The following NRDE2 variants were observed in gnomAD, a reference collection of about 807,000 sequenced individuals.
NRDE2 encodes nuclear exosome regulator NRDE2.
In NRDE2, 76 loss-of-function variants were observed where a neutral mutation model predicts 124.2. That is an observed-to-expected ratio of 0.61 (90% confidence interval 0.51 to 0.74). NRDE2 has a LOEUF of 0.74. Among genes scored for constraint, NRDE2 ranks in the 30% least tolerant of loss-of-function variants. The pLI is 0.00. For missense variants in NRDE2, 1,314 were observed against 1,417.3 expected (o/e 0.93, Z 1.17); for synonymous variants, 489 against 528.1 (o/e 0.93, Z 1.01).
intron 1 of NRDE2, among the ~76,000 whole-genome samples, chr14:90,323,691 C>T (rs1301954316): frequency 6.6e-6 from 1 of 152,136 alleles, no homozygotes; most frequent in Non-Finnish European, 1.5e-5. Context: ...AAATTCAGCC[C>T]TTCCATGGAG....
rs907583810 is a variant in NRDE2, at chr14:90,276,042, G to C, written c.*2294C>G. 6.6e-6 allele frequency: 1 copy of C among 152,128 alleles called. No homozygotes were observed. The highest frequency in any genetic ancestry group is 1.5e-5 in the Non-Finnish European group (1 of 68,036). The allele number at this position is 152,128 out of a possible 1,614,324, so 9.4% of individuals were successfully genotyped here. On this transcript the variant is annotated 3_prime_UTR_variant, in exon 14 of 14. Transcript: ENST00000354366. ...AAACCCGAGGTGGGCCGACCCCTGT[G>C]GTCTGATGTGATCAGTGACTCCTTC...
At chr14:90,330,953 C>A (rs1456586061) in intron 1 of NRDE2, among the ~76,000 whole-genome samples, 1 of 150,722 alleles carries the variant, frequency 6.6e-6, no homozygotes, top group African/African-American at 2.4e-5. Flanking sequence ...TTTTTAGAGA[C>A]AAGGTCCCCC....
At chr14:90,311,612 CTT>C (rs1365928164) in intron 4 of NRDE2, among the ~76,000 whole-genome samples, 3 of 152,176 alleles carry the variant, frequency 2.0e-5, no homozygotes, top group African/African-American at 7.2e-5. Context: ...CATTAAAATT[CTT>C]TTTCTTTATA....
chr14:90,313,276 A>G (rs1241840212), intron 3 of NRDE2, among the ~76,000 whole-genome samples: 2 of 151,880 alleles, frequency 1.3e-5, no homozygotes, highest in African/African-American at 2.4e-5. Flanking sequence ...ACAGGTGCCC[A>G]CCACCACACC....
chr14:90,286,468 G>A lies in NRDE2; in HGVS notation c.3183C>T (p.Ala1061=). The A allele has an allele frequency of 6.2e-7, 1 of 1,613,800 alleles. No homozygotes were observed. The highest frequency in any genetic ancestry group is 8.5e-7 in the Non-Finnish European group (1 of 1,179,918). ...GCATTAAGCCGGTCTCAGGAATTGT[G>A]GCGTGGATCTCTCTACCGTCTAACC... ...VQRLDGREIH[A]TIPETGLMHR... is the part of the protein sequence containing the mutation. The change falls in exon 12 of 14, where the codon GCC becomes GCT. Residue 1061 remains alanine, a synonymous_variant. Coordinates refer to ENST00000354366, the MANE Select transcript of NRDE2 (RefSeq NM_017970.4).
At position 90,297,860 on chromosome 14, in the gene NRDE2, G is replaced by A. The variant is rs149797877; in HGVS notation, c.1666+400C>T. 3.3e-3 allele frequency among the ~76,000 whole-genome samples: 489 copies of A among 150,102 alleles called. 3 individuals carry two copies. Among genetic ancestry groups the A allele is most frequent in the African/African-American group, 0.012 (477 of 40,846 alleles). ...GGAGCCTGACGCATGAGAATTGCTT[G>A]AACCCAGGAGGCAGAGGTTGCAGTG... On this transcript the variant is annotated intron_variant, in intron 8 of 13. Coordinates refer to ENST00000354366, the MANE Select transcript of NRDE2 (RefSeq NM_017970.4).
In NRDE2 at chr14:90,269,766, GTCTTT is replaced by G. The variant is rs1413232377; in HGVS notation, c.*8565_*8569del. The stretch of plus-strand genomic sequence containing the variant: ...CCTTTGAATTCCAGTCTTATGTCTT[GTCTTT>G]TCTTTTCCATAACATTCCCTTTTTA... On this transcript the variant is annotated 3_prime_UTR_variant, in exon 14 of 14. Transcript: ENST00000354366. 9.7e-5 allele frequency: 44 copies of G among 454,928 alleles called. No individual in the cohort carries two copies. In the East Asian group the frequency reaches 1.4e-3, roughly 15 times the overall value. 28.2% of individuals were successfully genotyped at this position (454,928 alleles called of 1,614,324 possible).
intron 9 of NRDE2, among the ~76,000 whole-genome samples, chr14:90,291,293 A>C (rs1346353812): frequency 3.3e-5 from 5 of 152,222 alleles, no homozygotes; most frequent in Admixed American, 3.3e-4. Context: ...GCTCTCAGCA[A>C]AGCGGAAATC....
rs891499690 is a variant in NRDE2 at position 90,274,966 on chromosome 14, T to A, written c.*3370A>T. ...CACTGGAGATGCCCAGCAGACACCG[T>A]CTTCACCAAGTGGTCAAATGCACAT... On this transcript the variant is annotated 3_prime_UTR_variant, in exon 14 of 14. Coordinates refer to ENST00000354366, the MANE Select transcript of NRDE2 (RefSeq NM_017970.4). 6.6e-6 allele frequency: 1 copy of A among 152,222 alleles called. No individual in the cohort carries two copies. Among genetic ancestry groups the A allele is most frequent in the African/African-American group, 2.4e-5 (1 of 41,418 alleles). The allele number at this position is 152,222 out of a possible 1,614,324, so 9.4% of individuals were successfully genotyped here.
In NRDE2 at chr14:90,277,143, G is replaced by C. The variant is rs747504040; in HGVS notation, c.*1193C>G. On this transcript the variant is annotated 3_prime_UTR_variant, in exon 14 of 14. Transcript: ENST00000354366. ...TCTGCCTACAGCCACCTGTAGCTCA[G>C]GGACTGGGGACGAGCAGGAGAGGGC... 7 of 152,280 alleles carry C rather than the reference G, an allele frequency of 4.6e-5. No individual in the cohort carries two copies. The highest frequency in any genetic ancestry group is 1.0e-4 in the Non-Finnish European group (7 of 68,098). The allele number at this position is 152,280 out of a possible 1,614,324, so 9.4% of individuals were successfully genotyped here. A position where few individuals can be genotyped will look rare whatever the true frequency, so the allele number is the denominator to read the frequency against.
intron 12 of NRDE2, among the ~76,000 whole-genome samples, chr14:90,283,527 G>A (rs924763420): frequency 6.6e-5 from 10 of 152,120 alleles, no homozygotes; most frequent in Non-Finnish European, 1.2e-4. Flanking sequence ...GCAGCCTGAT[G>A]ACAGGAGTGG....
intron 1 of NRDE2, among the ~76,000 whole-genome samples, chr14:90,323,723 C>T (rs73318695): frequency 0.065 from 9,897 of 152,116 alleles, 358 homozygotes; most frequent in African/African-American, 0.097. Context: ...TTTGAAGAGG[C>T]CCAGGAATTC....
At chr14:90,315,308 T>C (rs1199907610) in intron 3 of NRDE2, among the ~76,000 whole-genome samples, 1 of 147,964 alleles carries the variant, frequency 6.8e-6, no homozygotes. Context: ...GAGGCGGAGG[T>C]TGCAGTGAGG....
At chr14:90,299,138 C>T (rs143834916) in intron 7 of NRDE2, among the ~76,000 whole-genome samples, 322 of 152,234 alleles carry the variant, frequency 2.1e-3, no homozygotes, top group African/African-American at 7.4e-3. Flanking sequence ...CTCCACCTCC[C>T]CGGGCTCAAG....
chr14:90,312,790 C>A (rs1191390858), intron 3 of NRDE2, among the ~76,000 whole-genome samples: 2 of 152,128 alleles, frequency 1.3e-5, no homozygotes, highest in Non-Finnish European at 2.9e-5. Flanking sequence ...AAGAAGTCTT[C>A]CTATCTCAAA....
At chr14:90,297,655 C>T (rs889596436) in intron 8 of NRDE2, among the ~76,000 whole-genome samples, 3 of 151,874 alleles carry the variant, frequency 2.0e-5, no homozygotes, top group Non-Finnish European at 2.9e-5. Flanking sequence ...AGAATGGGGT[C>T]GGGCGTGGTG....
Position 90,304,201 on chromosome 14 carries a change from A to G in NRDE2, c.739T>C (p.Ser247Pro). The G allele has an allele frequency of 1.2e-6, 2 of 1,614,140 alleles. No homozygotes were observed. The highest frequency in any genetic ancestry group is 1.7e-6 in the Non-Finnish European group (2 of 1,180,030). The change falls in exon 5 of 14, where the codon TCA (serine) becomes CCA (proline). Residue 247 changes from serine to proline, a missense_variant. Coordinates refer to ENST00000354366, the MANE Select transcript of NRDE2 (RefSeq NM_017970.4). ...GGTATAAAGGAGATGGGCTCAGATGAGGGAGGTTCAGTTTTACTGCTAATG... is the reference window on the plus strand; with the variant it reads ...GGTATAAAGGAGATGGGCTCAGATGGGGGAGGTTCAGTTTTACTGCTAATG... ...VAISSKTEPPSSEPISFIPVK... is the reference protein window; with the variant it reads ...VAISSKTEPPPSEPISFIPVK...
intron 1 of NRDE2, among the ~76,000 whole-genome samples, chr14:90,321,570 A>G (rs914310799): frequency 4.0e-5 from 6 of 150,370 alleles, no homozygotes; most frequent in Admixed American, 1.3e-4. Flanking sequence ...AAAAAAAAAG[A>G]AAAGAAAAAA....
intron 1 of NRDE2, among the ~76,000 whole-genome samples, chr14:90,320,113 T>C (rs926240564): frequency 3.9e-5 from 6 of 152,052 alleles, no homozygotes; most frequent in African/African-American, 1.4e-4. Flanking sequence ...CATTCACAGA[T>C]CTTCTTTGCA....
Sources: gnomAD v4.1 joint callset for allele counts (sites outside exome capture counted in the v4.1 genomes callset) on GRCh38, gnomAD v4.1.1 for gene constraint, MANE v1.5 for transcripts, NCBI Gene and HGNC (gene_info 2026-07-23, HGNC 2026-07-21) for gene names.